Variants in TMEM135 observed in about 807,000 individuals in gnomAD.
The protein encoded by TMEM135 is transmembrane protein 135, also known as peroxisomal membrane protein 52.
A neutral mutation model predicts 60.3 loss-of-function variants in TMEM135; 30 were observed. The ratio of observed to expected loss-of-function variants is 0.50; its 90% CI spans 0.37 to 0.68. The LOEUF (loss-of-function observed/expected upper bound fraction) is 0.68, where lower values mean the gene tolerates loss of function less well. TMEM135 is among the 30% of genes least tolerant of loss of function. TMEM135 has a pLI of 0.00. For synonymous variants in TMEM135, 190 were observed against 186.7 expected (o/e 1.02, Z -0.14); for missense variants, 468 against 548.8 (o/e 0.85, Z 1.47).
intron 5 of TMEM135, among the ~76,000 whole-genome samples, chr11:87,220,697 A>G (rs1940599231): frequency 6.6e-6 from 1 of 152,086 alleles, no homozygotes; most frequent in African/African-American, 2.4e-5. Flanking sequence ...TTTCGAGAAG[A>G]CTCTAGCTTG....
chr11:87,137,471 A>G (rs1938133598), intron 4 of TMEM135, among the ~76,000 whole-genome samples: 1 of 152,174 alleles, frequency 6.6e-6, no homozygotes. Flanking sequence ...ACTTAAAAAA[A>G]TTTATGATAA....
chr11:87,163,670 C>G (rs1166619890), intron 5 of TMEM135, among the ~76,000 whole-genome samples: 1 of 151,070 alleles, frequency 6.6e-6, no homozygotes, highest in African/African-American at 2.4e-5. Flanking sequence ...TAAAAGTGTT[C>G]CTATTTCTCC....
chr11:87,102,273 C>G (rs1213801217), intron 4 of TMEM135, among the ~76,000 whole-genome samples: 1 of 152,210 alleles, frequency 6.6e-6, no homozygotes, highest in Non-Finnish European at 1.5e-5. Context: ...ACCCCCTCTT[C>G]AAGTTCAGCT....
At chr11:87,086,652 T>G (rs115786449) in intron 3 of TMEM135, among the ~76,000 whole-genome samples, 2,225 of 152,152 alleles carry the variant, frequency 0.015, 66 homozygotes, top group African/African-American at 0.051. Context: ...CAAAAAAGTT[T>G]AAAACAAAGA....
intron 5 of TMEM135, among the ~76,000 whole-genome samples, chr11:87,193,605 G>A (rs1048450911): frequency 6.6e-6 from 1 of 151,698 alleles, no homozygotes; most frequent in African/African-American, 2.4e-5. Context: ...TTAAGCTTTT[G>A]ATTTTGTGGC....
Position 87,156,943 on chromosome 11 carries a change from A to G in TMEM135, c.397-398A>G, listed in dbSNP as rs187993712. ...ATTATCAAAATAACCATTTGAAACA[A>G]TTAAGTTTGAGCTCTTAAAAGATTG... is the stretch of plus-strand genomic sequence containing the variant. On this transcript the variant is annotated intron_variant, in intron 4 of 14. Coordinates refer to ENST00000305494, the MANE Select transcript of TMEM135 (RefSeq NM_022918.4). Among the ~76,000 whole-genome samples the G allele has an allele frequency of 3.1e-3, 471 of 152,328 alleles. 2 individuals are homozygous for G. The highest frequency in any genetic ancestry group is 6.8e-3 in the Middle Eastern group (2 of 294).
chr11:87,040,185 A>G (rs1949738435), intron 1 of TMEM135, among the ~76,000 whole-genome samples: 1 of 152,212 alleles, frequency 6.6e-6, no homozygotes, highest in Non-Finnish European at 1.5e-5. Flanking sequence ...GTTAGGACAT[A>G]TTGCGCATAC....
chr11:87,205,578 G>C (rs1488024339), intron 5 of TMEM135, among the ~76,000 whole-genome samples: 1 of 152,094 alleles, frequency 6.6e-6, no homozygotes, highest in African/African-American at 2.4e-5. Flanking sequence ...AATTATACCA[G>C]TTTATGTGAA....
intron 5 of TMEM135, among the ~76,000 whole-genome samples, chr11:87,160,585 T>C (rs1938844463): frequency 6.6e-6 from 1 of 152,216 alleles, no homozygotes; most frequent in South Asian, 2.1e-4. Context: ...ATTCACTTAC[T>C]TAGACTAGAG....
rs1192959362 is a variant in TMEM135, at chr11:87,104,266, GTTAT to G, written c.396+12877_396+12880del. On this transcript the variant is annotated intron_variant, in intron 4 of 14. Transcript: ENST00000305494. ...TAACTGTGGGTTTATTTATTTCTGG[GTTAT>G]TTATTCTGTTCCGTTGGTCTGTCTG... Among the ~76,000 whole-genome samples the G allele has an allele frequency of 2.0e-5, 3 of 152,102 alleles. No homozygotes were observed. In the East Asian group the frequency reaches 5.8e-4, roughly 29 times the overall value.
At chr11:87,235,200 T>TA (rs1327645564) in intron 5 of TMEM135, among the ~76,000 whole-genome samples, 1 of 151,836 alleles carries the variant, frequency 6.6e-6, no homozygotes, top group African/African-American at 2.4e-5. Context: ...GTTATGTTTC[T>TA]AAAAACAGTG....
chr11:87,230,016 G>A (rs146663475), intron 5 of TMEM135, among the ~76,000 whole-genome samples: 3,141 of 151,952 alleles, frequency 0.021, 33 homozygotes, highest in South Asian at 0.032. Flanking sequence ...TGAGTTGTGT[G>A]GCATCCAACC....
At chr11:87,091,619 G>A (rs953337606) in intron 4 of TMEM135, among the ~76,000 whole-genome samples, 20 of 152,002 alleles carry the variant, frequency 1.3e-4, no homozygotes, top group Admixed American at 1.3e-3. Context: ...ACTGTCTTGT[G>A]CTCTTCATTG....
chr11:87,119,883 T>G (rs36029875), intron 4 of TMEM135, among the ~76,000 whole-genome samples: 61,360 of 139,500 alleles, frequency 0.44, 12,771 homozygotes, highest in East Asian at 0.65. Flanking sequence ...CCTTTACTTT[T>G]TTAAAAAAAA....
intron 5 of TMEM135, among the ~76,000 whole-genome samples, chr11:87,227,928 A>G (rs1296979056): frequency 6.6e-6 from 1 of 151,986 alleles, no homozygotes; most frequent in East Asian, 1.9e-4. Flanking sequence ...CATTATAAAA[A>G]CTCTTATTAT....
At chr11:87,293,411 C>T (rs990456794) in intron 6 of TMEM135, among the ~76,000 whole-genome samples, 9 of 141,608 alleles carry the variant, frequency 6.4e-5, no homozygotes, top group South Asian at 2.3e-4. Context: ...CAACAAAAAA[C>T]GAGATACATG....
intron 4 of TMEM135, among the ~76,000 whole-genome samples, chr11:87,096,799 C>G (rs191139142): frequency 6.6e-6 from 1 of 152,322 alleles, no homozygotes; most frequent in Admixed American, 6.5e-5. Context: ...CATTGCATGT[C>G]TGATGATTGG....
chr11:87,231,326 G>C (rs1940885184), intron 5 of TMEM135, among the ~76,000 whole-genome samples: 2 of 152,162 alleles, frequency 1.3e-5, no homozygotes, highest in African/African-American at 4.8e-5. Context: ...TAATTGAGTA[G>C]TTAGCACTCA....
chr11:87,172,423 T>A (rs555346775), intron 5 of TMEM135, among the ~76,000 whole-genome samples: 1 of 135,694 alleles, frequency 7.4e-6, no homozygotes, highest in African/African-American at 2.7e-5. Context: ...GAAAAGTAGG[T>A]TTTTTTTTTT....
Sources: allele counts gnomAD v4.1 joint callset (sites outside exome capture counted in the v4.1 genomes callset), GRCh38; gene constraint gnomAD v4.1.1; transcripts MANE v1.5; gene names NCBI Gene and HGNC (gene_info 2026-07-23, HGNC 2026-07-21).